DLGAP1: variants seen among roughly 807,000 people sequenced by gnomAD.
The protein encoded by DLGAP1 is disks large-associated protein 1.
In DLGAP1, 11 loss-of-function variants were observed where a neutral mutation model predicts 90.8. That is an observed-to-expected ratio of 0.12 (90% confidence interval 0.08 to 0.20). The LOEUF is 0.20. DLGAP1 is among the 10% of genes least tolerant of loss of function. DLGAP1 has a pLI of 1.00. For missense variants in DLGAP1, 1,050 were observed against 1,333.8 expected (o/e 0.79, Z 3.31); for synonymous variants, 558 against 540.7 (o/e 1.03, Z -0.44).
At chr18:3,868,282 C>T (rs2070529120) in intron 4 of DLGAP1, among the ~76,000 whole-genome samples, 1 of 152,148 alleles carries the variant, frequency 6.6e-6, no homozygotes, top group Non-Finnish European at 1.5e-5. Context: ...AATGAACTGA[C>T]ACCCCTTGAG....
chr18:3,931,061 T>C (rs184225336), intron 3 of DLGAP1, among the ~76,000 whole-genome samples: 299 of 152,272 alleles, frequency 2.0e-3, no homozygotes, highest in Non-Finnish European at 3.7e-3. Flanking sequence ...CTGGGTGTAG[T>C]CACTGTGCCA....
intron 9 of DLGAP1, among the ~76,000 whole-genome samples, chr18:3,548,890 AGCTGGGTGT>A (rs2053215525): frequency 6.6e-6 from 1 of 152,086 alleles, no homozygotes; most frequent in Non-Finnish European, 1.5e-5. Context: ...TACAAAAATT[AGCTGGGTGT>A]GCTGGCACAT....
intron 7 of DLGAP1, among the ~76,000 whole-genome samples, chr18:3,687,889 T>A (rs535006530): frequency 6.7e-4 from 101 of 149,882 alleles, no homozygotes; most frequent in African/African-American, 2.3e-3. Context: ...AGTATAATTA[T>A]CCCAATCCTC....
chr18:4,039,559 A>C (rs149944199), intron 2 of DLGAP1, among the ~76,000 whole-genome samples: 1 of 152,376 alleles, frequency 6.6e-6, no homozygotes, highest in African/African-American at 2.4e-5. Flanking sequence ...ATGGCAAAGC[A>C]GACAGAATAG....
chr18:3,540,469 C>CAA (rs60740209), intron 9 of DLGAP1, among the ~76,000 whole-genome samples: 6,619 of 57,984 alleles, frequency 0.11, 516 homozygotes, highest in Middle Eastern at 0.15. Context: ...GGCCCTGTGT[C>CAA]AAAAAAAAAA....
chr18:3,913,284 G>T (rs76434938), intron 3 of DLGAP1, among the ~76,000 whole-genome samples: 1,598 of 152,090 alleles, frequency 0.011, 28 homozygotes, highest in African/African-American at 0.036. Context: ...TTTTGAGGGG[G>T]TCTCACTTTG....
intron 9 of DLGAP1, among the ~76,000 whole-genome samples, chr18:3,538,384 A>G (rs1163577239): frequency 2.0e-5 from 3 of 151,810 alleles, no homozygotes; most frequent in East Asian, 1.9e-4. Flanking sequence ...CCAAAAAAAA[A>G]AAAGAAAGAA....
chr18:4,135,379 C>G (rs1478261542), intron 2 of DLGAP1, among the ~76,000 whole-genome samples: 1 of 152,118 alleles, frequency 6.6e-6, no homozygotes, highest in Non-Finnish European at 1.5e-5. Context: ...AGGCCCTAAA[C>G]ATGGTCAATA....
chr18:4,251,599 T>A lies in DLGAP1; in HGVS notation c.-266-100312A>T, dbSNP rs576582162. Among the ~76,000 whole-genome samples, 5 of 152,344 alleles carry A rather than the reference T, an allele frequency of 3.3e-5. No homozygotes were observed. In the East Asian group the frequency reaches 9.6e-4, roughly 29 times the overall value. ...TAAAATCCAGTGAAAATAGAGTATGTGTATCACAAACTTTTTTCTTTGTAA... is the reference window on the plus strand; with the variant it reads ...TAAAATCCAGTGAAAATAGAGTATGAGTATCACAAACTTTTTTCTTTGTAA... On this transcript the variant is annotated intron_variant, in intron 1 of 12. Coordinates refer to ENST00000315677, the MANE Select transcript of DLGAP1 (RefSeq NM_004746.4).
intron 6 of DLGAP1, among the ~76,000 whole-genome samples, chr18:3,731,196 T>C (rs1048370258): frequency 2.0e-5 from 3 of 152,090 alleles, no homozygotes; most frequent in Non-Finnish European, 2.9e-5. Context: ...ATATAATATA[T>C]GTATATGTAT....
At chr18:4,093,615 A>T (rs574547440) in intron 2 of DLGAP1, among the ~76,000 whole-genome samples, 1 of 152,280 alleles carries the variant, frequency 6.6e-6, no homozygotes, top group East Asian at 1.9e-4. Context: ...ATACTTCTCC[A>T]ACTTTGTACA....
intron 1 of DLGAP1, among the ~76,000 whole-genome samples, chr18:4,256,273 G>A (rs1038292145): frequency 2.6e-5 from 4 of 152,136 alleles, no homozygotes; most frequent in East Asian, 1.9e-4. Flanking sequence ...GGTGGCTCAC[G>A]CCTGTGTTCC....
At chr18:4,246,535 A>G (rs928305444) in intron 1 of DLGAP1, among the ~76,000 whole-genome samples, 1 of 152,180 alleles carries the variant, frequency 6.6e-6, no homozygotes, top group Non-Finnish European at 1.5e-5. Context: ...GTGAGGAGTC[A>G]GTTATCCTCC....
At chr18:4,392,099 G>A (rs544840275) in intron 1 of DLGAP1, among the ~76,000 whole-genome samples, 1 of 152,242 alleles carries the variant, frequency 6.6e-6, no homozygotes, top group Non-Finnish European at 1.5e-5. Flanking sequence ...CAAGGGAAAT[G>A]AAACCAGTTT....
chr18:4,276,279 T>C (rs1423346369), intron 1 of DLGAP1, among the ~76,000 whole-genome samples: 1 of 151,808 alleles, frequency 6.6e-6, no homozygotes, highest in Admixed American at 6.6e-5. Flanking sequence ...GTGTGGAGAA[T>C]TGTAATGAGC....
chr18:3,526,617 T>C lies in DLGAP1; in HGVS notation c.2479+7577A>G, dbSNP rs1250811109. Among the ~76,000 whole-genome samples, 1 of 152,242 alleles carries C rather than the reference T, an allele frequency of 6.6e-6. No individual in the cohort carries two copies. The highest frequency in any genetic ancestry group is 2.4e-5 in the African/African-American group (1 of 41,472). On this transcript the variant is annotated intron_variant, in intron 10 of 12. Transcript: ENST00000315677. The surrounding 1 kb of genome is among the most constrained non-coding windows in gnomAD (Gnocchi z 4.7). Reference sequence around the variant, plus strand: ...CTGAAAATTCCACGTATTTGTTGTCTACAATTCAGAAGGCAAAGACAGATT... The same window carrying C: ...CTGAAAATTCCACGTATTTGTTGTCCACAATTCAGAAGGCAAAGACAGATT...
At chr18:3,824,537 C>T (rs1444814669) in intron 4 of DLGAP1, among the ~76,000 whole-genome samples, 1 of 152,026 alleles carries the variant, frequency 6.6e-6, no homozygotes, top group Non-Finnish European at 1.5e-5. Context: ...AGTATTAATA[C>T]TTAATTTTAA....
intron 5 of DLGAP1, among the ~76,000 whole-genome samples, chr18:3,787,556 C>T (rs563220166): frequency 6.8e-5 from 10 of 147,536 alleles, no homozygotes; most frequent in South Asian, 2.2e-4. Context: ...TGAATTTCCT[C>T]GTGACTTCAC....
intron 7 of DLGAP1, among the ~76,000 whole-genome samples, chr18:3,632,573 G>A (rs60668744): frequency 0.2 from 30,040 of 151,978 alleles, 3,887 homozygotes; most frequent in African/African-American, 0.36. Flanking sequence ...AAAGTGCTAC[G>A]ATTACAGGTG....
Sources: gnomAD v4.1 joint callset for allele counts (sites outside exome capture counted in the v4.1 genomes callset) on GRCh38, gnomAD v4.1.1 for gene constraint, Gnocchi (gnomAD v3.1) non-coding constraint, MANE v1.5 for transcripts, NCBI Gene and HGNC (gene_info 2026-07-23, HGNC 2026-07-21) for gene names.